CNTNAP4: variants seen among roughly 807,000 people sequenced by gnomAD.
CNTNAP4 encodes the protein contactin associated protein family member 4, also known as contactin-associated protein-like 4.
Under a neutral mutation model 148.4 loss-of-function variants are expected in CNTNAP4, and 98 were observed. That is an observed-to-expected ratio of 0.66 (90% CI 0.56 to 0.78). The LOEUF is 0.78. Among genes scored for constraint, CNTNAP4 ranks in the 30% least tolerant of loss-of-function variants. CNTNAP4 has a pLI of 0.00. For missense variants in CNTNAP4, 1,935 were observed against 1,565.6 expected (o/e 1.24, Z -3.98); for synonymous variants, 730 against 565.1 (o/e 1.29, Z -4.14).
At chr16:76,447,045 C>T (rs1236269197) in intron 4 of CNTNAP4, among the ~76,000 whole-genome samples, 10 of 152,120 alleles carry the variant, frequency 6.6e-5, no homozygotes, top group East Asian at 1.9e-4. Flanking sequence ...CAGTGGCTCA[C>T]GCCTTTAATC....
In CNTNAP4 at chr16:76,340,802, A is replaced by G. The variant is rs534017885; in HGVS notation, c.197-14516A>G. 2.0e-5 allele frequency among the ~76,000 whole-genome samples: 3 copies of G among 152,294 alleles called. No homozygotes were observed. In the South Asian group the frequency reaches 6.2e-4, roughly 32 times the overall value. On this transcript the variant is annotated intron_variant, in intron 2 of 23. Coordinates refer to ENST00000611870, the MANE Select transcript of CNTNAP4 (RefSeq NM_033401.5). ...AACTCTGATTAATACAACAACCCCA[A>G]GATTACTCTTTTTCTCTCTGCTAAA... is the stretch of plus-strand genomic sequence containing the variant.
chr16:76,443,811 A>G (rs1597558833), intron 4 of CNTNAP4, among the ~76,000 whole-genome samples: 1 of 152,236 alleles, frequency 6.6e-6, no homozygotes, highest in Non-Finnish European at 1.5e-5. Context: ...TTATTTTTGT[A>G]TCTGTTTGCA....
intron 2 of CNTNAP4, among the ~76,000 whole-genome samples, chr16:76,335,028 C>G (rs911487185): frequency 6.6e-6 from 1 of 151,984 alleles, no homozygotes; most frequent in South Asian, 2.1e-4. Context: ...GGCAAGCACT[C>G]GATAGACACC....
At chr16:76,308,903 C>A (rs1960786851) in intron 1 of CNTNAP4, among the ~76,000 whole-genome samples, 1 of 151,828 alleles carries the variant, frequency 6.6e-6, no homozygotes, top group South Asian at 2.1e-4. Context: ...TAGCTCAGGG[C>A]AGCCTCGAAC....
chr16:76,420,086 T>C (rs942957726), intron 3 of CNTNAP4, among the ~76,000 whole-genome samples: 2 of 136,296 alleles, frequency 1.5e-5, no homozygotes, highest in African/African-American at 4.9e-5. Flanking sequence ...AGTGATTGAT[T>C]TCTAGTTTGT....
intron 2 of CNTNAP4, among the ~76,000 whole-genome samples, chr16:76,348,461 G>A (rs1468371150): frequency 6.6e-6 from 1 of 152,026 alleles, no homozygotes; most frequent in Non-Finnish European, 1.5e-5. Flanking sequence ...AGAAAAGAAG[G>A]AGAGCAAAGG....
intron 1 of CNTNAP4, among the ~76,000 whole-genome samples, chr16:76,292,824 A>G (rs935227852): frequency 6.6e-6 from 1 of 152,234 alleles, no homozygotes; most frequent in African/African-American, 2.4e-5. Context: ...ATGAACATCA[A>G]AATGAAAAAG....
chr16:76,498,737 C>T, intron 15 of CNTNAP4, 43 bp downstream of exon 15: 1 of 1,534,012 alleles, frequency 6.5e-7, no homozygotes, highest in Non-Finnish European at 8.8e-7. Context: ...GAGAAAAGAA[C>T]CATGACTTAA....
intron 1 of CNTNAP4, among the ~76,000 whole-genome samples, chr16:76,308,443 A>T (rs529391788): frequency 2.6e-5 from 4 of 152,272 alleles, no homozygotes; most frequent in Non-Finnish European, 5.9e-5. Flanking sequence ...TCTCTTTCTC[A>T]TCAGAATGTG....
At chr16:76,472,132 G>A (rs898591694) in intron 10 of CNTNAP4, among the ~76,000 whole-genome samples, 1 of 151,934 alleles carries the variant, frequency 6.6e-6, no homozygotes, top group Admixed American at 6.6e-5. Flanking sequence ...AGAGAAAATG[G>A]GTTAATCAAT....
intron 17 of CNTNAP4, among the ~76,000 whole-genome samples, chr16:76,523,714 C>G (rs1239030978): frequency 6.6e-6 from 1 of 152,174 alleles, no homozygotes; most frequent in East Asian, 1.9e-4. Context: ...TGCTTGGGGC[C>G]AGGAGTTTGA....
chr16:76,317,938 C>T (rs1462366989), intron 2 of CNTNAP4, among the ~76,000 whole-genome samples: 1 of 152,056 alleles, frequency 6.6e-6, no homozygotes, highest in Non-Finnish European at 1.5e-5. Context: ...AAATGGGAAA[C>T]TGGGGGGTGT....
At chr16:76,380,653 A>G (rs951360595) in intron 3 of CNTNAP4, among the ~76,000 whole-genome samples, 1 of 152,070 alleles carries the variant, frequency 6.6e-6, no homozygotes. Context: ...ACATTCACCA[A>G]TTTTTTTATT....
chr16:76,304,436 A>G (rs1418910784), intron 1 of CNTNAP4, among the ~76,000 whole-genome samples: 5 of 152,050 alleles, frequency 3.3e-5, no homozygotes. Flanking sequence ...TCCCGGTAGG[A>G]TGGGAGGGTT....
intron 3 of CNTNAP4, among the ~76,000 whole-genome samples, chr16:76,386,724 C>T (rs1034278160): frequency 2.6e-5 from 4 of 152,030 alleles, no homozygotes; most frequent in African/African-American, 9.7e-5. Flanking sequence ...ACGTTGGGAC[C>T]TATAGGTATG....
At chr16:76,534,473 C>T (rs1324388410) in intron 17 of CNTNAP4, among the ~76,000 whole-genome samples, 1 of 152,150 alleles carries the variant, frequency 6.6e-6, no homozygotes, top group East Asian at 1.9e-4. Flanking sequence ...CATCTAATTG[C>T]CTCTCAATAG....
intron 21 of CNTNAP4, among the ~76,000 whole-genome samples, chr16:76,544,914 A>G (rs1359446185): frequency 2.0e-5 from 3 of 152,182 alleles, no homozygotes; most frequent in Non-Finnish European, 4.4e-5. Context: ...AAGGAAGTCT[A>G]CTCAGTCTCC....
intron 15 of CNTNAP4, among the ~76,000 whole-genome samples, chr16:76,515,165 C>G (rs573624387): frequency 2.2e-4 from 34 of 151,984 alleles, no homozygotes; most frequent in African/African-American, 8.0e-4. Flanking sequence ...ACAGACTGGT[C>G]AAAAAACAGT....
chr16:76,437,722 G>A (rs1428094252), intron 4 of CNTNAP4, among the ~76,000 whole-genome samples: 3 of 151,984 alleles, frequency 2.0e-5, no homozygotes, highest in Non-Finnish European at 4.4e-5. Flanking sequence ...GAACCTCCAG[G>A]TAACCAGATA....
Sources: allele counts gnomAD v4.1 joint callset (sites outside exome capture counted in the v4.1 genomes callset), GRCh38; gene constraint gnomAD v4.1.1; transcripts MANE v1.5; gene names NCBI Gene and HGNC (gene_info 2026-07-23, HGNC 2026-07-21).